PLAAT5: variants seen among roughly 807,000 people sequenced by gnomAD.
PLAAT5 encodes phospholipase A and acyltransferase 5.
Under a neutral mutation model 27.8 loss-of-function variants are expected in PLAAT5, and 27 were observed. That is an observed-to-expected ratio of 0.97 (90% confidence interval 0.72 to 1.34). The LOEUF (loss-of-function observed/expected upper bound fraction) is 1.34, where lower values mean the gene tolerates loss of function less well. Ranked by LOEUF, PLAAT5 falls within the 40% of genes most tolerant of loss-of-function variation. PLAAT5 has a pLI of 0.00. For synonymous variants in PLAAT5, 125 were observed against 136.1 expected (o/e 0.92, Z 0.57); for missense variants, 368 against 343.8 (o/e 1.07, Z -0.56).
chr11:63,488,760 C>T (rs1305010861), intron 3 of PLAAT5, 111 bp downstream of exon 3: 2 of 618,114 alleles, frequency 3.2e-6, no homozygotes, highest in Non-Finnish European at 5.7e-6. Context: ...TCCAGTGTGG[C>T]CCAGGGAAGC....
chr11:63,466,188 G>C lies in PLAAT5; in HGVS notation c.639C>G (p.Ile213Met). 1 of 1,614,132 alleles carries C rather than the reference G, an allele frequency of 6.2e-7. No individual in the cohort carries two copies. Among genetic ancestry groups the C allele is most frequent in the South Asian group, 1.1e-5 (1 of 91,078 alleles). The change falls in exon 5 of 6, where the codon ATC becomes ATG. Residue 213 changes from isoleucine to methionine, a missense_variant. Ile to Met is a conservative substitution (Grantham distance 10). Transcript: ENST00000540857. ...TCCCTTCAATCAGGCTGTACTGCAC[G>C]ATCTTGTTGACCATCTTTTTTGTAC... is the stretch of plus-strand genomic sequence containing the variant. ...IQRTKKMVNKIVQYSLIEGNC... is the reference protein window; with the variant it reads ...IQRTKKMVNKMVQYSLIEGNC...
chr11:63,480,836 C>T (rs573098856), intron 3 of PLAAT5, among the ~76,000 whole-genome samples: 7 of 152,298 alleles, frequency 4.6e-5, no homozygotes, highest in South Asian at 2.1e-4. Context: ...GCTACAGAGC[C>T]GCCTCCAATC....
chr11:63,486,433 T>C (rs548558090), intron 3 of PLAAT5, among the ~76,000 whole-genome samples: 1 of 152,022 alleles, frequency 6.6e-6, no homozygotes, highest in South Asian at 2.1e-4. Context: ...TATATATATA[T>C]GCACACACAC....
chr11:63,491,108 G>T lies in PLAAT5; in HGVS notation c.-74C>A. 2 of 1,248,860 alleles carry T rather than the reference G, an allele frequency of 1.6e-6. No homozygotes were observed. The highest frequency in any genetic ancestry group is 2.1e-6 in the Non-Finnish European group (2 of 970,288). 77.4% of individuals were successfully genotyped at this position (1,248,860 alleles called of 1,614,324 possible). A position where few individuals can be genotyped will look rare whatever the true frequency, so the allele number is the denominator to read the frequency against. On this transcript the variant is annotated 5_prime_UTR_variant, in exon 1 of 6. Coordinates refer to ENST00000540857, the MANE Select transcript of PLAAT5 (RefSeq NM_001146729.2). Reference sequence around the variant, plus strand: ...CCCTGGCGAGTTCCCAGTCGGCGCGGCCCCTGGTCGGCGGAGCCGCGGAAG... The same window carrying T: ...CCCTGGCGAGTTCCCAGTCGGCGCGTCCCCTGGTCGGCGGAGCCGCGGAAG...
chr11:63,464,076 A>C (rs922556147), intron 5 of PLAAT5, among the ~76,000 whole-genome samples: 3 of 152,110 alleles, frequency 2.0e-5, no homozygotes, highest in Admixed American at 6.5e-5. Context: ...GCAAATTCTC[A>C]CGGGACGGGA....
intron 3 of PLAAT5, among the ~76,000 whole-genome samples, chr11:63,471,109 CAG>C (rs2016012673): frequency 6.6e-6 from 1 of 152,026 alleles, no homozygotes; most frequent in East Asian, 1.9e-4. Context: ...TGAAGAACAC[CAG>C]AGAGTTCATA....
At chr11:63,475,721 C>T (rs562881596) in intron 3 of PLAAT5, among the ~76,000 whole-genome samples, 20 of 151,982 alleles carry the variant, frequency 1.3e-4, no homozygotes, top group Non-Finnish European at 2.5e-4. Context: ...GTATCAAATA[C>T]GTATTTTCTA....
chr11:63,477,695 G>A (rs911617420), intron 3 of PLAAT5, among the ~76,000 whole-genome samples: 1 of 152,024 alleles, frequency 6.6e-6, no homozygotes, highest in Non-Finnish European at 1.5e-5. Context: ...GGCTGGTCTC[G>A]AACTCCTGAC....
At chr11:63,473,709 T>G (rs556534611) in intron 3 of PLAAT5, among the ~76,000 whole-genome samples, 238 of 150,726 alleles carry the variant, frequency 1.6e-3, no homozygotes, top group Non-Finnish European at 2.8e-3. Flanking sequence ...TTTTGTTGTT[T>G]TTTTTTTTTT....
chr11:63,468,731 T>C (rs759595950), intron 3 of PLAAT5, among the ~76,000 whole-genome samples: 2 of 152,204 alleles, frequency 1.3e-5, no homozygotes, highest in African/African-American at 2.4e-5. Flanking sequence ...CTCCAATATA[T>C]ACCCTGTGAT....
chr11:63,491,013 C>T lies in PLAAT5; in HGVS notation c.22G>A (p.Glu8Lys), dbSNP rs568727151. ...GGGAGGCGGAGCGCGTACTCCCCCT[C>T]GGCGCCCGGGCTCAGGCCCATCCCG... MGLSPGA[E>K]GEYALRLPRI... The change falls in exon 1 of 6, where the codon GAG (glutamate) becomes AAG (lysine). Residue 8 changes from glutamate (E) to lysine (K), a missense_variant. Transcript: ENST00000540857. The T allele has an allele frequency of 6.6e-7, 1 of 1,512,438 alleles. No homozygotes were observed. Among genetic ancestry groups the T allele is most frequent in the African/African-American group, 1.4e-5 (1 of 70,880 alleles). The allele number at this position is 1,512,438 out of a possible 1,614,324, so 93.7% of individuals were successfully genotyped here.
At chr11:63,489,341 A>C (rs1393847236) in intron 2 of PLAAT5, among the ~76,000 whole-genome samples, 2 of 152,162 alleles carry the variant, frequency 1.3e-5, no homozygotes, top group Non-Finnish European at 2.9e-5. Flanking sequence ...TCCCAGCCCT[A>C]CTGCCCAGAG....
At position 63,490,959 on chromosome 11, in the gene PLAAT5, C is replaced by G; in HGVS notation, c.76G>C (p.Ala26Pro). The G allele has an allele frequency of 1.3e-6, 2 of 1,589,350 alleles. No individual in the cohort carries two copies. Among genetic ancestry groups the G allele is most frequent in the African/African-American group, 1.4e-5 (1 of 73,688 alleles). The change falls in exon 1 of 6, where the codon GCC (alanine) becomes CCC (proline). Residue 26 changes from alanine to proline, a missense_variant. By Grantham distance (27) the Ala-to-Pro change is conservative (BLOSUM62 -1). Coordinates refer to ENST00000540857, the MANE Select transcript of PLAAT5 (RefSeq NM_001146729.2). ...PRIPPPLPKP[A>P]SRTASTGPKD... ...GGCCCGGTACTGGCGGTTCGCGAGGCGGGTTTGGGGAGGGGTGGGGGAATC... is the reference window on the plus strand; with the variant it reads ...GGCCCGGTACTGGCGGTTCGCGAGGGGGGTTTGGGGAGGGGTGGGGGAATC...
chr11:63,488,098 T>C (rs933338120), intron 3 of PLAAT5, among the ~76,000 whole-genome samples: 1 of 152,004 alleles, frequency 6.6e-6, no homozygotes. Flanking sequence ...TGAGCCAAGA[T>C]CACGCCACTG....
intron 3 of PLAAT5, among the ~76,000 whole-genome samples, chr11:63,477,743 G>A (rs1427733891): frequency 6.6e-6 from 1 of 152,172 alleles, no homozygotes; most frequent in South Asian, 2.1e-4. Flanking sequence ...AAAGTGCTGG[G>A]ATTACAGGCG....
chr11:63,489,551 A>G (rs2016512592), intron 2 of PLAAT5, among the ~76,000 whole-genome samples: 2 of 152,256 alleles, frequency 1.3e-5, no homozygotes, highest in Admixed American at 1.3e-4. Context: ...ATAGTAGAGT[A>G]AAATACTTCG....
intron 5 of PLAAT5, among the ~76,000 whole-genome samples, chr11:63,464,186 G>A (rs2015792632): frequency 6.6e-6 from 1 of 152,152 alleles, no homozygotes; most frequent in Admixed American, 6.5e-5. Flanking sequence ...GAGGAGGAAG[G>A]TGCAGAAAGT....
chr11:63,468,358 T>C lies in PLAAT5; in HGVS notation c.453A>G (p.Pro151=), dbSNP rs2120228021. 6.2e-7 allele frequency: 1 copy of C among 1,607,490 alleles called. No homozygotes were observed. The highest frequency in any genetic ancestry group is 1.3e-5 in the African/African-American group (1 of 74,884). The change falls in exon 4 of 6, where the codon CCA becomes CCG. Residue 151 remains proline, a splice_region_variant and synonymous_variant. Transcript: ENST00000540857. ...TTTCAATAGACTATTCACTCTTACT[T>C]GGGGGAGCCAGATGGACCACGCAAT... ...EDDCVVHLAP[P]SEEFEVGSIT...
Position 63,489,662 on chromosome 11 carries a change from T to C in PLAAT5, c.239+581A>G, listed in dbSNP as rs148637031. 2.8e-3 allele frequency among the ~76,000 whole-genome samples: 420 copies of C among 152,306 alleles called. 2 individuals are homozygous for C. The highest frequency in any genetic ancestry group is 2.2e-3 in the Admixed American group (33 of 15,306). On this transcript the variant is annotated intron_variant, in intron 2 of 5. Transcript: ENST00000540857. The stretch of plus-strand genomic sequence containing the variant: ...CTCTCAGCTTGATTATCTTTAAAAA[T>C]AGAGATGAAAATGTGTCTCACAGTG...
Sources: allele counts gnomAD v4.1 joint callset (sites outside exome capture counted in the v4.1 genomes callset), GRCh38; gene constraint gnomAD v4.1.1; transcripts MANE v1.5; gene names NCBI Gene and HGNC (gene_info 2026-07-23, HGNC 2026-07-21).